The following MAGI2 variants were observed in gnomAD, a reference collection of about 807,000 sequenced individuals.
MAGI2 encodes the protein membrane associated guanylate kinase, WW and PDZ domain containing 2, also known as membrane-associated guanylate kinase, WW and PDZ domain-containing protein 2.
Under a neutral mutation model 133.3 loss-of-function variants are expected in MAGI2, and 35 were observed. The observed-to-expected ratio is 0.26, with a 90% CI of 0.20 to 0.35. The LOEUF (loss-of-function observed/expected upper bound fraction) is 0.35. MAGI2 is among the 10% of genes least tolerant of loss of function. The pLI is 1.00. For synonymous variants in MAGI2, 729 were observed against 710.6 expected (o/e 1.03, Z -0.41); for missense variants, 1,636 against 1,863.4 (o/e 0.88, Z 2.25).
intron 9 of MAGI2, among the ~76,000 whole-genome samples, chr7:78,333,276 A>G (rs1457652849): frequency 1.3e-5 from 2 of 152,216 alleles, no homozygotes; most frequent in African/African-American, 4.8e-5. Context: ...GCTCTGTACC[A>G]GAAAGATTGT....
At chr7:79,093,233 C>T (rs1817221471) in intron 1 of MAGI2, among the ~76,000 whole-genome samples, 3 of 151,178 alleles carry the variant, frequency 2.0e-5, no homozygotes, top group Admixed American at 2.0e-4. Context: ...AAACTGAGTC[C>T]TAGGCTCAGA....
intron 1 of MAGI2, among the ~76,000 whole-genome samples, chr7:79,120,905 T>A (rs935278128): frequency 7.2e-5 from 11 of 152,114 alleles, no homozygotes; most frequent in African/African-American, 2.4e-4. Flanking sequence ...AAATAAAGGC[T>A]ACCAACATTC....
In MAGI2 at chr7:78,476,005, G is replaced by A. The variant is rs373296208; in HGVS notation, c.1045+13756C>T. Reference sequence around the variant, plus strand: ...TTAAACTCTCCTCTTCATTTTTGAGGAGCTTAGCATACTATCTTCCCCACT... The same window carrying A: ...TTAAACTCTCCTCTTCATTTTTGAGAAGCTTAGCATACTATCTTCCCCACT... On this transcript the variant is annotated intron_variant, in intron 6 of 21. Transcript: ENST00000354212. Among the ~76,000 whole-genome samples, 7 of 151,912 alleles carry A rather than the reference G, an allele frequency of 4.6e-5. 1 individual carries two copies. In the South Asian group the frequency reaches 1.5e-3, roughly 32 times the overall value.
chr7:78,025,669 A>G (rs528795848), intron 21 of MAGI2, among the ~76,000 whole-genome samples: 1 of 152,310 alleles, frequency 6.6e-6, no homozygotes, highest in East Asian at 1.9e-4. Flanking sequence ...ATCAGTTTTG[A>G]GAGGGATGAT....
chr7:78,265,094 AATTATG>A (rs2065330266), intron 9 of MAGI2, among the ~76,000 whole-genome samples: 1 of 151,730 alleles, frequency 6.6e-6, no homozygotes, highest in African/African-American at 2.4e-5. Flanking sequence ...TTTTTTTTTA[AATTATG>A]ATTAAGCAGC....
chr7:78,033,036 G>A (rs952600017), intron 21 of MAGI2, among the ~76,000 whole-genome samples: 2 of 152,140 alleles, frequency 1.3e-5, no homozygotes, highest in African/African-American at 4.8e-5. Context: ...CGGCTGCTGT[G>A]TGCAAAATAG....
intron 6 of MAGI2, among the ~76,000 whole-genome samples, chr7:78,450,828 T>C (rs1229270457): frequency 2.0e-5 from 3 of 152,098 alleles, no homozygotes; most frequent in African/African-American, 7.2e-5. Context: ...TGGGCAGTCA[T>C]TAGTCTACTC....
At chr7:78,956,726 T>C (rs1027948917) in intron 2 of MAGI2, among the ~76,000 whole-genome samples, 1 of 152,154 alleles carries the variant, frequency 6.6e-6, no homozygotes, top group Non-Finnish European at 1.5e-5. Flanking sequence ...TACTATTCTC[T>C]AAGTTCTGAA....
At chr7:78,894,294 C>T (rs1396489062) in intron 2 of MAGI2, among the ~76,000 whole-genome samples, 3 of 152,076 alleles carry the variant, frequency 2.0e-5, no homozygotes, top group Admixed American at 2.0e-4. Context: ...CCCAGCTACT[C>T]CGGAGGCTGA....
At chr7:79,132,721 C>T (rs58800062) in intron 1 of MAGI2, among the ~76,000 whole-genome samples, 11 of 152,042 alleles carry the variant, frequency 7.2e-5, no homozygotes, top group African/African-American at 2.7e-4. Context: ...AAAGTTTAAA[C>T]TGTATTGTTT....
intron 1 of MAGI2, among the ~76,000 whole-genome samples, chr7:79,239,828 G>A (rs550889070): frequency 3.3e-5 from 5 of 152,218 alleles, no homozygotes; most frequent in Admixed American, 3.3e-4. Context: ...CTAAAATCAG[G>A]GATTGCTACT....
At chr7:79,442,249 T>A (rs1004996790) in intron 1 of MAGI2, among the ~76,000 whole-genome samples, 1 of 152,206 alleles carries the variant, frequency 6.6e-6, no homozygotes, top group Non-Finnish European at 1.5e-5. Context: ...TGGACTCTCA[T>A]AATCAGAGTT....
At chr7:78,152,289 T>A (rs1823957916) in intron 16 of MAGI2, among the ~76,000 whole-genome samples, 1 of 152,180 alleles carries the variant, frequency 6.6e-6, no homozygotes, top group Non-Finnish European at 1.5e-5. Context: ...AAACATGGCC[T>A]CTGGGACAGG....
intron 2 of MAGI2, among the ~76,000 whole-genome samples, chr7:78,746,246 T>G (rs986245080): frequency 2.0e-5 from 3 of 152,214 alleles, no homozygotes; most frequent in Admixed American, 1.3e-4. Context: ...GAGCCAGCTC[T>G]CAGGCAGAAA....
intron 2 of MAGI2, among the ~76,000 whole-genome samples, chr7:78,913,225 G>A (rs1210491346): frequency 6.6e-6 from 1 of 152,050 alleles, no homozygotes; most frequent in African/African-American, 2.4e-5. Flanking sequence ...GTTGGAGGTG[G>A]GGCCTGATGG....
chr7:78,495,270 AT>A (rs2150506656), intron 5 of MAGI2, among the ~76,000 whole-genome samples: 1 of 152,158 alleles, frequency 6.6e-6, no homozygotes, highest in East Asian at 1.9e-4. Context: ...CTAGGCCCCT[AT>A]CCCCCAACAG....
intron 9 of MAGI2, among the ~76,000 whole-genome samples, chr7:78,295,540 C>T (rs979943000): frequency 5.9e-5 from 9 of 152,134 alleles, no homozygotes; most frequent in South Asian, 2.1e-4. Context: ...CTATCTTCCT[C>T]GAGGAATTTC....
chr7:79,410,535 G>A (rs1846075310), intron 1 of MAGI2: 1 of 152,064 alleles, frequency 6.6e-6, no homozygotes, highest in African/African-American at 2.4e-5. Context: ...AAGGAACAGG[G>A]ATGCCAAGGA....
chr7:78,787,181 C>A (rs1271931023), intron 2 of MAGI2, among the ~76,000 whole-genome samples: 1 of 152,100 alleles, frequency 6.6e-6, no homozygotes, highest in African/African-American at 2.4e-5. Context: ...CTCCTGACCT[C>A]ATGATCTGCC....
Sources: gnomAD v4.1 joint callset for allele counts (sites outside exome capture counted in the v4.1 genomes callset) on GRCh38, gnomAD v4.1.1 for gene constraint, MANE v1.5 for transcripts, NCBI Gene and HGNC (gene_info 2026-07-23, HGNC 2026-07-21) for gene names.